LY6K: variants seen among roughly 807,000 people sequenced by gnomAD.
LY6K encodes the protein lymphocyte antigen 6 family member K, also known as lymphocyte antigen 6K.
LY6K carries 9 observed loss-of-function variants against 10.4 expected under a neutral mutation model. That is an observed-to-expected ratio of 0.87 (90% CI 0.52 to 1.52). LY6K has a LOEUF of 1.52. LY6K is among the 40% of genes most tolerant of loss of function. The probability of loss-of-function intolerance (pLI) is 0.00; values close to 1 mark genes in which losing one functional copy is unlikely to be tolerated. For missense variants in LY6K, 217 were observed against 211.7 expected (o/e 1.02, Z -0.15); for synonymous variants, 98 against 83.7 (o/e 1.17, Z -0.94).
rs1238836565 is a variant in LY6K, at chr8:142,701,680, T to C, written c.184T>C (p.Trp62Arg). 6 of 1,613,760 alleles carry C rather than the reference T, an allele frequency of 3.7e-6. No homozygotes were observed. Among genetic ancestry groups the C allele is most frequent in the Non-Finnish European group, 5.1e-6 (6 of 1,179,862 alleles). The change falls in exon 2 of 3, where the codon TGG becomes CGG. Residue 62 changes from tryptophan to arginine, a missense_variant. Coordinates refer to ENST00000292430, the MANE Select transcript of LY6K (RefSeq NM_017527.4). ...FECQNPRRCK[W>R]TEPYCVIAAV... The stretch of plus-strand genomic sequence containing the variant: ...GTGCCAGAACCCAAGGAGGTGCAAA[T>C]GGACAGAGCCATACTGCGTTATAGC...
intron 2 of LY6K, chr8:142,702,560 T>G: frequency 6.5e-7 from 1 of 1,535,702 alleles, no homozygotes; most frequent in Non-Finnish European, 8.7e-7. Context: ...AGCCCTTCGG[T>G]ATCCACGAAG....
intron 1 of LY6K, 71 bp from the exon 2 acceptor site, chr8:142,701,529 T>G: frequency 9.8e-7 from 1 of 1,020,860 alleles, no homozygotes; most frequent in Non-Finnish European, 1.5e-6. Context: ...GCTGGTCGGA[T>G]GCCGGCTGTG....
chr8:142,704,667 C>G lies in LY6K; in HGVS notation c.*1296C>G, dbSNP rs1197130185. The G allele has an allele frequency of 3.3e-5, 5 of 152,222 alleles. No individual in the cohort carries two copies. Among genetic ancestry groups the G allele is most frequent in the Non-Finnish European group, 5.9e-5 (4 of 68,062 alleles). 9.4% of individuals were successfully genotyped at this position (152,222 alleles called of 1,614,324 possible). On this transcript the variant is annotated 3_prime_UTR_variant, in exon 3 of 3. Transcript: ENST00000292430. Reference sequence around the variant, plus strand: ...GCATTCACAAAACGGTTGCCACGACCTTTGCCCTTGACATGTCTGCTTTTA... The same window carrying G: ...GCATTCACAAAACGGTTGCCACGACGTTTGCCCTTGACATGTCTGCTTTTA...
rs782186109 is a variant in LY6K at position 142,700,330 on chromosome 8, C to T, written c.-198C>T. On this transcript the variant is annotated 5_prime_UTR_variant, in exon 1 of 3. Transcript: ENST00000292430. ...GGGACTCAGAACCGGCGTTCAGGGC[C>T]GCCAGCGGCCGCGAGGCCCTGAGAT... The T allele has an allele frequency of 9.2e-6, 12 of 1,305,606 alleles. No individual in the cohort carries two copies. The highest frequency in any genetic ancestry group is 2.9e-4 in the Middle Eastern group (1 of 3,414). The allele number at this position is 1,305,606 out of a possible 1,614,324, so 80.9% of individuals were successfully genotyped here. A position where few individuals can be genotyped will look rare whatever the true frequency, so the allele number is the denominator to read the frequency against.
rs782535439 is a variant in LY6K, at chr8:142,700,324, C to G, written c.-204C>G. ...CAAGGCGGGACTCAGAACCGGCGTT[C>G]AGGGCCGCCAGCGGCCGCGAGGCCC... On this transcript the variant is annotated 5_prime_UTR_variant, in exon 1 of 3. Coordinates refer to ENST00000292430, the MANE Select transcript of LY6K (RefSeq NM_017527.4). The G allele has an allele frequency of 6.1e-6, 8 of 1,303,170 alleles. No individual in the cohort carries two copies. The highest frequency in any genetic ancestry group is 4.2e-5 in the Admixed American group (1 of 23,972). 80.7% of individuals were successfully genotyped at this position (1,303,170 alleles called of 1,614,324 possible).
rs782192079 is a variant in LY6K, at chr8:142,700,533, G to A, written c.6G>A (p.Ala2=). Residue 2 remains alanine (A), a synonymous_variant, in exon 1 of 3, where the codon GCG becomes GCA. Coordinates refer to ENST00000292430, the MANE Select transcript of LY6K (RefSeq NM_017527.4). M[A]LLALLLVVAL... ...CCTGGGCACCGCTGGGGACGATGGC[G>A]CTGCTCGCCTTGCTGCTGGTCGTGG... The A allele has an allele frequency of 3.2e-6, 5 of 1,579,706 alleles. No individual in the cohort carries two copies. Among genetic ancestry groups the A allele is most frequent in the Admixed American group, 1.8e-5 (1 of 56,446 alleles).
At chr8:142,701,952 G>A (rs1487097464) in intron 2 of LY6K, 2 of 440,674 alleles carry the variant, frequency 4.5e-6, no homozygotes, top group Non-Finnish European at 4.1e-6. Flanking sequence ...TGGTATTATG[G>A]ATGCGCGCCA....
At chr8:142,701,826 T>C (rs1030848140) in intron 2 of LY6K, 113 bp downstream of exon 2, 2 of 685,444 alleles carry the variant, frequency 2.9e-6, no homozygotes, top group African/African-American at 1.8e-5. Context: ...AGTAGCCTTT[T>C]TTTTTTTTTA....
At chr8:142,702,548 C>T (rs781986215) in intron 2 of LY6K, 9 of 1,535,730 alleles carry the variant, frequency 5.9e-6, no homozygotes, top group Non-Finnish European at 7.8e-6. Context: ...CAGTCACTCT[C>T]CAGCCCTTCG....
At chr8:142,701,966 C>T (rs1279830088) in intron 2 of LY6K, 2 of 393,164 alleles carry the variant, frequency 5.1e-6, no homozygotes, top group Admixed American at 8.1e-5. Flanking sequence ...CGCGCCACCA[C>T]ACTGGCTAAT....
In LY6K at chr8:142,700,540, G is replaced by C. The variant is rs782398726; in HGVS notation, c.13G>C (p.Ala5Pro). MALL[A>P]LLLVVALPRV... ...ACCGCTGGGGACGATGGCGCTGCTCGCCTTGCTGCTGGTCGTGGCCCTACC... is the reference window on the plus strand; with the variant it reads ...ACCGCTGGGGACGATGGCGCTGCTCCCCTTGCTGCTGGTCGTGGCCCTACC... The change falls in exon 1 of 3, where the codon GCC becomes CCC. Residue 5 changes from alanine to proline, a missense_variant. Transcript: ENST00000292430. 5 of 1,582,780 alleles carry C rather than the reference G, an allele frequency of 3.2e-6. No homozygotes were observed. The South Asian group carries it at 5.8e-5, about 18-fold the overall frequency.
rs1409865276 is a variant in LY6K, at chr8:142,704,267, G to C, written c.*896G>C. 2.0e-5 allele frequency: 3 copies of C among 152,228 alleles called. No individual in the cohort carries two copies. The highest frequency in any genetic ancestry group is 7.2e-5 in the African/African-American group (3 of 41,464). The allele number at this position is 152,228 out of a possible 1,614,324, so 9.4% of individuals were successfully genotyped here. A position where few individuals can be genotyped will look rare whatever the true frequency, so the allele number is the denominator to read the frequency against. ...TGCAAGTAATGGTACCAGCCATTCA[G>C]TTCATCCCTAAAGAATTGGGCACCC... On this transcript the variant is annotated 3_prime_UTR_variant, in exon 3 of 3. Coordinates refer to ENST00000292430, the MANE Select transcript of LY6K (RefSeq NM_017527.4).
rs1415520944 is a variant in LY6K, at chr8:142,705,018, C to T, written c.*1647C>T. ...TAATCAGTCCTCTTAAATTAGGGCA[C>T]AAACAAGATGAATTGTTTCCTCACA... On this transcript the variant is annotated 3_prime_UTR_variant, in exon 3 of 3. Transcript: ENST00000292430. 5 of 152,206 alleles carry T rather than the reference C, an allele frequency of 3.3e-5. No homozygotes were observed. The highest frequency in any genetic ancestry group is 7.2e-5 in the African/African-American group (3 of 41,440). The allele number at this position is 152,206 out of a possible 1,614,324, so 9.4% of individuals were successfully genotyped here. A position where few individuals can be genotyped will look rare whatever the true frequency, so the allele number is the denominator to read the frequency against.
intron 2 of LY6K, chr8:142,702,879 A>G: frequency 1.3e-6 from 2 of 1,547,552 alleles, no homozygotes; most frequent in East Asian, 4.9e-5. Context: ...GCATATGGAC[A>G]GGCCATACCA....
chr8:142,702,331 G>A (rs1243291780), intron 2 of LY6K: 1 of 613,110 alleles, frequency 1.6e-6, no homozygotes, highest in Non-Finnish European at 2.9e-6. Context: ...TCTTACAAGA[G>A]ATGCACAAAA....
At position 142,700,668 on chromosome 8, in the gene LY6K, G is replaced by A. The variant is rs1814974213; in HGVS notation, c.103+38G>A. 12 of 1,430,496 alleles carry A rather than the reference G, an allele frequency of 8.4e-6. No individual in the cohort carries two copies. In the South Asian group the frequency reaches 8.7e-5, roughly 10 times the overall value. The allele number at this position is 1,430,496 out of a possible 1,614,324, so 88.6% of individuals were successfully genotyped here. A position where few individuals can be genotyped will look rare whatever the true frequency, so the allele number is the denominator to read the frequency against. ...CGCCCTCCACAGCCACGGGCCGAGAGGACAGGGCCGGGCGGCGTCTGCCTG... is the reference window on the plus strand; with the variant it reads ...CGCCCTCCACAGCCACGGGCCGAGAAGACAGGGCCGGGCGGCGTCTGCCTG... On this transcript the variant is annotated intron_variant, in intron 1 of 2. Transcript: ENST00000292430.
intron 1 of LY6K, 38 bp from the exon 2 acceptor site, chr8:142,701,562 C>G (rs1164485174): frequency 8.6e-6 from 12 of 1,395,552 alleles, no homozygotes; most frequent in South Asian, 1.2e-5. Context: ...GCACGGAGAA[C>G]TGGAACATTC....
Position 142,700,532 on chromosome 8 carries a change from C to G in LY6K, c.5C>G (p.Ala2Gly), listed in dbSNP as rs372687823. The G allele has an allele frequency of 1.5e-5, 24 of 1,578,978 alleles. 1 individual carries two copies. The Admixed American group carries it at 4.3e-4, about 28-fold the overall frequency. The change falls in exon 1 of 3, where the codon GCG becomes GGG. Residue 2 changes from alanine to glycine, a missense_variant. Coordinates refer to ENST00000292430, the MANE Select transcript of LY6K (RefSeq NM_017527.4). ...CCCTGGGCACCGCTGGGGACGATGG[C>G]GCTGCTCGCCTTGCTGCTGGTCGTG... MALLALLLVVAL... is the reference protein window; with the variant it reads MGLLALLLVVAL...
rs1563812580 is a variant in LY6K at position 142,702,438 on chromosome 8, C to T, written c.218-653C>T. 7.3e-6 allele frequency: 11 copies of T among 1,504,498 alleles called. 1 individual carries two copies. The South Asian group carries it at 9.6e-5, about 13-fold the overall frequency. The allele number at this position is 1,504,498 out of a possible 1,614,324, so 93.2% of individuals were successfully genotyped here. ...CTGTCATCTGTGATTCCCCTGAAAACCTCTGGGTACATGAAGCCCTCCCCA... is the reference window on the plus strand; with the variant it reads ...CTGTCATCTGTGATTCCCCTGAAAATCTCTGGGTACATGAAGCCCTCCCCA... On this transcript the variant is annotated intron_variant, in intron 2 of 2. Transcript: ENST00000292430.
Sources: allele counts gnomAD v4.1 joint callset, GRCh38; gene constraint gnomAD v4.1.1; transcripts MANE v1.5; gene names NCBI Gene and HGNC (gene_info 2026-07-23, HGNC 2026-07-21).